Variants in NUP43 observed in about 807,000 individuals in gnomAD.
NUP43 encodes nucleoporin Nup43.
Under a neutral mutation model 47.3 loss-of-function variants are expected in NUP43, and 32 were observed. The ratio of observed to expected loss-of-function variants is 0.68; its 90% CI spans 0.51 to 0.91. The LOEUF (loss-of-function observed/expected upper bound fraction) is 0.91, where lower values mean the gene tolerates loss of function less well. NUP43 is among the 40% of genes least tolerant of loss of function. The pLI is 0.00. For synonymous variants in NUP43, 147 were observed against 158.4 expected, an observed-to-expected ratio of 0.93 and a Z score of 0.54; for missense variants, 444 against 453.9, an observed-to-expected ratio of 0.98 and a Z score of 0.20.
chr6:149,740,522 G>T (rs1056308356), intron 4 of NUP43, among the ~76,000 whole-genome samples: 4 of 151,960 alleles, frequency 2.6e-5, no homozygotes, highest in African/African-American at 9.7e-5. Context: ...CCAGCTCCTC[G>T]GGAGGCTGAG....
At chr6:149,746,333 A>G (rs1785999330) in intron 1 of NUP43, 43 bp downstream of exon 1, 1 of 1,605,258 alleles carries the variant, frequency 6.2e-7, no homozygotes, top group African/African-American at 1.3e-5. Flanking sequence ...GCTCAACCGG[A>G]GAGAGGGAGG....
chr6:149,736,372 A>G (rs1206632954), intron 6 of NUP43, 99 bp downstream of exon 6: 5 of 717,506 alleles, frequency 7.0e-6, no homozygotes. Flanking sequence ...ATTAAAAGCT[A>G]TGATGTAAAA....
At chr6:149,733,446 TTC>T (rs139910123) in intron 6 of NUP43, among the ~76,000 whole-genome samples, 2 of 152,118 alleles carry the variant, frequency 1.3e-5, no homozygotes, top group African/African-American at 2.4e-5. Context: ...CTCAAAGAAA[TTC>T]TCTCTCTCTT....
At chr6:149,745,745 T>C (rs986741000) in intron 2 of NUP43, among the ~76,000 whole-genome samples, 195 bp downstream of exon 2, 1 of 152,202 alleles carries the variant, frequency 6.6e-6, no homozygotes, top group Non-Finnish European at 1.5e-5. Context: ...AAAAGTATGA[T>C]TAAATCTACA....
At chr6:149,732,836 A>T (rs567032591) in intron 6 of NUP43, among the ~76,000 whole-genome samples, 63 of 151,828 alleles carry the variant, frequency 4.1e-4, no homozygotes, top group Middle Eastern at 3.4e-3. Flanking sequence ...AAAGAGCAAA[A>T]CTACGTCTCA....
rs1784733120 is a variant in NUP43 at position 149,724,733 on chromosome 6, GCCACCACGCC to G, written c.*2226_*2235del. The G allele has an allele frequency of 6.6e-6, 1 of 152,088 alleles. No individual in the cohort carries two copies. The highest frequency in any genetic ancestry group is 2.1e-4 in the South Asian group (1 of 4,820). The allele number at this position is 152,088 out of a possible 1,614,324, so 9.4% of individuals were successfully genotyped here. ...CAAGTAGCTGGGATTATAGATGCCT[GCCACCACGCC>G]CGGTTAATTTTTTTTTTGCATTTTT... is the stretch of plus-strand genomic sequence containing the variant. On this transcript the variant is annotated 3_prime_UTR_variant, in exon 8 of 8. Coordinates refer to ENST00000340413, the MANE Select transcript of NUP43 (RefSeq NM_198887.3).
At chr6:149,745,095 A>G (rs889789253) in intron 2 of NUP43, among the ~76,000 whole-genome samples, 2 of 151,176 alleles carry the variant, frequency 1.3e-5, no homozygotes, top group African/African-American at 4.9e-5. Flanking sequence ...GGCTCTCCAC[A>G]CCAGGATTTG....
chr6:149,742,402 C>G lies in NUP43; in HGVS notation c.490G>C (p.Val164Leu). Residue 164 changes from valine (V) to leucine (L), a missense_variant, in exon 4 of 8, where the codon GTA (valine) becomes CTA (leucine). By Grantham distance (32) the Val-to-Leu change is conservative (BLOSUM62 1). Transcript: ENST00000340413. ...NLFRADHKEA[V>L]RTIDNADSST... ...GGATTTTTCTTACCTATGGTTCTTA[C>G]AGCTTCCTTGTGATCAGCTCTGAAG... The G allele has an allele frequency of 6.2e-7, 1 of 1,613,962 alleles. No individual in the cohort carries two copies.
In NUP43 at chr6:149,746,486, T is replaced by C. The variant is rs770361040; in HGVS notation, c.10A>G (p.Ile4Val). 1.9e-5 allele frequency: 30 copies of C among 1,614,016 alleles called. No individual in the cohort carries two copies. The South Asian group carries it at 2.4e-4, about 13-fold the overall frequency. Residue 4 changes from isoleucine to valine, a missense_variant, in exon 1 of 8, where the codon ATT (isoleucine) becomes GTT (valine). Physicochemically the swap from Ile to Val is conservative, Grantham distance 29. Transcript: ENST00000340413. MEE[I>V]YAKFVSQKIS... is the part of the protein sequence containing the mutation. ...TTCTGGGACACAAACTTCGCATAAA[T>C]TTCCTCCATGCCGAAAGCGGCCGCA...
At position 149,726,387 on chromosome 6, in the gene NUP43, ACT is replaced by A. The variant is rs1421389743; in HGVS notation, c.*580_*581del. 1.5e-5 allele frequency: 2 copies of A among 129,488 alleles called. No individual in the cohort carries two copies. Among genetic ancestry groups the A allele is most frequent in the East Asian group, 4.8e-4 (2 of 4,146 alleles). The allele number at this position is 129,488 out of a possible 1,614,324, so 8.0% of individuals were successfully genotyped here. A position where few individuals can be genotyped will look rare whatever the true frequency, so the allele number is the denominator to read the frequency against. On this transcript the variant is annotated 3_prime_UTR_variant, in exon 8 of 8. Transcript: ENST00000340413. ...CACCACCGCACTCCAGCAGAGCAAGACTCTGCCTCAAAAAAAAAAAAAAAAAA... is the reference window on the plus strand; with the variant it reads ...CACCACCGCACTCCAGCAGAGCAAGACTGCCTCAAAAAAAAAAAAAAAAAA...
intron 6 of NUP43, 141 bp from the exon 7 acceptor site, chr6:149,731,876 T>A: frequency 2.5e-6 from 2 of 810,008 alleles, no homozygotes; most frequent in Non-Finnish European, 1.9e-6. Context: ...AATTAAAGGC[T>A]TCAGAATTAA....
intron 3 of NUP43, among the ~76,000 whole-genome samples, chr6:149,742,830 G>T (rs1319987596): frequency 6.6e-6 from 1 of 152,138 alleles, no homozygotes; most frequent in Non-Finnish European, 1.5e-5. Flanking sequence ...CAAGCAGTTG[G>T]ATGTTCAAAG....
intron 7 of NUP43, chr6:149,729,516 C>T: frequency 2.0e-6 from 2 of 984,890 alleles, no homozygotes; most frequent in South Asian, 9.4e-5. Flanking sequence ...AGCGCCTTTT[C>T]TCCTAATTCA....
At chr6:149,745,832 T>C (rs1562386282) in intron 2 of NUP43, 108 bp downstream of exon 2, 1 of 966,136 alleles carries the variant, frequency 1.0e-6, no homozygotes. Flanking sequence ...GAGCACTCAG[T>C]TTTCTGTAAA....
intron 6 of NUP43, among the ~76,000 whole-genome samples, chr6:149,734,874 C>T (rs543021867): frequency 4.0e-4 from 60 of 149,974 alleles, no homozygotes; most frequent in African/African-American, 1.3e-3. Flanking sequence ...AATTTCTGTC[C>T]GGCTAAATCA....
At chr6:149,742,234 C>A (rs572935499) in intron 4 of NUP43, among the ~76,000 whole-genome samples, 156 bp downstream of exon 4, 10 of 152,302 alleles carry the variant, frequency 6.6e-5, no homozygotes, top group Admixed American at 6.5e-4. Flanking sequence ...CCATGTTGGT[C>A]AGGCTGGTCT....
rs766906132 is a variant in NUP43 at position 149,746,359 on chromosome 6, C to T, written c.120+17G>A. 6.2e-7 allele frequency: 1 copy of T among 1,612,586 alleles called. No individual in the cohort carries two copies. The highest frequency in any genetic ancestry group is 1.7e-5 in the Admixed American group (1 of 59,954). ...GAGAGGGAGGAGGTAGGGGCTCGTCCCTATCAGCGGCGATACCTCATTGTC... is the reference window on the plus strand; with the variant it reads ...GAGAGGGAGGAGGTAGGGGCTCGTCTCTATCAGCGGCGATACCTCATTGTC... On this transcript the variant is annotated intron_variant, in intron 1 of 7. Transcript: ENST00000340413.
intron 4 of NUP43, among the ~76,000 whole-genome samples, chr6:149,742,171 C>G (rs1582980812): frequency 6.6e-6 from 1 of 152,220 alleles, no homozygotes; most frequent in African/African-American, 2.4e-5. Flanking sequence ...GGATTACAGG[C>G]ATGTGCCACC....
At position 149,727,208 on chromosome 6, in the gene NUP43, AAAAAG is replaced by A; in HGVS notation, c.914-15_914-11del. 6.2e-7 allele frequency: 1 copy of A among 1,608,022 alleles called. No homozygotes were observed. ...GTACTGCTTCTTCCTCCTGGGAGAAAAAAAGAAAAGGAAGAAATCTTTCAAGATGA... is the reference window on the plus strand; with the variant it reads ...GTACTGCTTCTTCCTCCTGGGAGAAAAAAAGGAAGAAATCTTTCAAGATGA... On this transcript the variant is annotated splice_polypyrimidine_tract_variant and intron_variant, in intron 7 of 7. Coordinates refer to ENST00000340413, the MANE Select transcript of NUP43 (RefSeq NM_198887.3).
Sources: gnomAD v4.1 joint callset for allele counts (sites outside exome capture counted in the v4.1 genomes callset) on GRCh38, gnomAD v4.1.1 for gene constraint, MANE v1.5 for transcripts, NCBI Gene and HGNC (gene_info 2026-07-23, HGNC 2026-07-21) for gene names.